The following SDK1 variants were observed in gnomAD, a reference collection of about 807,000 sequenced individuals.
SDK1 encodes protein sidekick-1.
SDK1 carries 157 observed loss-of-function variants against 245.5 expected under a neutral mutation model. The observed-to-expected ratio is 0.64, with a 90% CI of 0.56 to 0.73. The LOEUF (loss-of-function observed/expected upper bound fraction) is 0.73. Ranked by LOEUF, SDK1 falls within the 30% of genes least tolerant of loss-of-function variation. The pLI, the probability that SDK1 is intolerant of heterozygous loss-of-function variation, is 0.00. For missense variants in SDK1, 3,583 were observed against 3,002.3 expected (o/e 1.19, Z -4.52); for synonymous variants, 1,647 against 1,278.5 (o/e 1.29, Z -6.15).
At chr7:3,769,384 A>C (rs1362159599) in intron 4 of SDK1, among the ~76,000 whole-genome samples, 1 of 152,076 alleles carries the variant, frequency 6.6e-6, no homozygotes, top group Non-Finnish European at 1.5e-5. Context: ...CTGAGCCTGG[A>C]ACCTCAGGTC....
chr7:4,232,245 G>T (rs1388140716), intron 40 of SDK1, among the ~76,000 whole-genome samples: 2 of 151,690 alleles, frequency 1.3e-5, no homozygotes, highest in African/African-American at 4.8e-5. Context: ...TCCGTTCTTT[G>T]TCTAAAGCCA....
intron 4 of SDK1, among the ~76,000 whole-genome samples, chr7:3,710,629 G>C (rs560365667): frequency 6.6e-6 from 1 of 152,276 alleles, no homozygotes; most frequent in Admixed American, 6.5e-5. Context: ...GGCAAACATT[G>C]TGTGTGTGCT....
chr7:4,059,130 A>T (rs1026629641), intron 19 of SDK1, among the ~76,000 whole-genome samples: 5 of 152,124 alleles, frequency 3.3e-5, no homozygotes, highest in African/African-American at 1.2e-4. Flanking sequence ...CCAAAAGGAT[A>T]GACTGGCTGA....
At chr7:4,175,201 A>G (rs1782119797) in intron 33 of SDK1, among the ~76,000 whole-genome samples, 1 of 152,198 alleles carries the variant, frequency 6.6e-6, no homozygotes, top group South Asian at 2.1e-4. Context: ...GATGTTGATG[A>G]ATGTTGAAGA....
At chr7:4,253,549 G>A (rs886425033) in intron 44 of SDK1, among the ~76,000 whole-genome samples, 1 of 152,076 alleles carries the variant, frequency 6.6e-6, no homozygotes, top group African/African-American at 2.4e-5. Context: ...TTTAAGGCCT[G>A]GCCTATGGTC....
chr7:3,817,849 G>A (rs1405660229), intron 4 of SDK1, among the ~76,000 whole-genome samples: 1 of 152,202 alleles, frequency 6.6e-6, no homozygotes, highest in Non-Finnish European at 1.5e-5. Flanking sequence ...AGTGAAGAAT[G>A]GCCAGAAGCA....
chr7:3,691,850 T>C (rs751975367), intron 4 of SDK1, among the ~76,000 whole-genome samples: 3 of 152,184 alleles, frequency 2.0e-5, no homozygotes, highest in Admixed American at 6.5e-5. Context: ...AAATGTATTA[T>C]AAGGCAGGTA....
intron 4 of SDK1, among the ~76,000 whole-genome samples, chr7:3,755,392 G>A (rs1275336696): frequency 6.6e-6 from 1 of 152,196 alleles, no homozygotes; most frequent in Non-Finnish European, 1.5e-5. Flanking sequence ...TTTCTCACGC[G>A]GGTGGGAGTT....
intron 1 of SDK1, among the ~76,000 whole-genome samples, chr7:3,547,662 A>G (rs951144337): frequency 3.3e-5 from 5 of 152,220 alleles, no homozygotes; most frequent in African/African-American, 1.2e-4. Flanking sequence ...CTGGCCCTTC[A>G]TCTTGACTGA....
At chr7:3,802,711 G>T (rs1028147157) in intron 4 of SDK1, among the ~76,000 whole-genome samples, 1 of 152,052 alleles carries the variant, frequency 6.6e-6, no homozygotes, top group Admixed American at 6.5e-5. Flanking sequence ...CCCTACATTA[G>T]GTGACCTTTT....
At chr7:3,648,740 G>A (rs1782922340) in intron 4 of SDK1, among the ~76,000 whole-genome samples, 1 of 152,112 alleles carries the variant, frequency 6.6e-6, no homozygotes, top group East Asian at 1.9e-4. Flanking sequence ...ATATTTTATA[G>A]GCATTTTGTG....
intron 35 of SDK1, among the ~76,000 whole-genome samples, chr7:4,179,649 C>T (rs890776297): frequency 6.6e-6 from 1 of 151,982 alleles, no homozygotes; most frequent in African/African-American, 2.4e-5. Context: ...TCAGAGCCAC[C>T]GAGGTACGGC....
At chr7:3,975,436 C>G (rs570956326) in intron 13 of SDK1, among the ~76,000 whole-genome samples, 5 of 152,158 alleles carry the variant, frequency 3.3e-5, no homozygotes, top group Admixed American at 1.3e-4. Context: ...GACCCTGCCC[C>G]CTTTGATCCA....
At chr7:3,677,845 T>C (rs1387695838) in intron 4 of SDK1, among the ~76,000 whole-genome samples, 2 of 152,208 alleles carry the variant, frequency 1.3e-5, no homozygotes, top group Non-Finnish European at 2.9e-5. Context: ...TATTCACACA[T>C]GGATAACCAG....
chr7:3,546,703 G>A (rs2128621952), intron 1 of SDK1, among the ~76,000 whole-genome samples: 1 of 152,334 alleles, frequency 6.6e-6, no homozygotes, highest in African/African-American at 2.4e-5. Context: ...CATTTCACAA[G>A]GAACCTGTGG....
intron 4 of SDK1, among the ~76,000 whole-genome samples, chr7:3,671,438 G>A (rs1783697883): frequency 6.6e-6 from 1 of 152,120 alleles, no homozygotes. Flanking sequence ...AAAATACTTT[G>A]TTGCTCATTG....
chr7:4,207,544 G>C (rs910565749), intron 36 of SDK1, among the ~76,000 whole-genome samples: 9 of 152,198 alleles, frequency 5.9e-5, no homozygotes, highest in African/African-American at 2.2e-4. Context: ...TGTTGTTTTT[G>C]ATTGCTTTAA....
intron 1 of SDK1, among the ~76,000 whole-genome samples, chr7:3,601,567 G>A (rs906951088): frequency 6.6e-6 from 1 of 151,676 alleles, no homozygotes; most frequent in Non-Finnish European, 1.5e-5. Flanking sequence ...ACCATTGTTG[G>A]TGTTGATGAT....
At chr7:3,938,738 C>T (rs1392963790) in intron 5 of SDK1, among the ~76,000 whole-genome samples, 1 of 152,058 alleles carries the variant, frequency 6.6e-6, no homozygotes, top group Non-Finnish European at 1.5e-5. Flanking sequence ...TAAATATGCT[C>T]CTAAATCATG....
Sources: gnomAD v4.1 joint callset for allele counts (sites outside exome capture counted in the v4.1 genomes callset) on GRCh38, gnomAD v4.1.1 for gene constraint, MANE v1.5 for transcripts, NCBI Gene and HGNC (gene_info 2026-07-23, HGNC 2026-07-21) for gene names.